The following RBL1 variants were observed in gnomAD, a reference collection of about 807,000 sequenced individuals.
RBL1 encodes the protein retinoblastoma-like protein 1.
Under a neutral mutation model 123.0 loss-of-function variants are expected in RBL1, and 82 were observed. The observed-to-expected ratio is 0.67, with a 90% CI of 0.56 to 0.80. The LOEUF is 0.80. Among genes scored for constraint, RBL1 ranks in the 30% least tolerant of loss-of-function variants. RBL1 has a pLI of 0.00. For synonymous variants in RBL1, 405 were observed against 441.3 expected, an observed-to-expected ratio of 0.92 and a Z score of 1.03; for missense variants, 1,171 against 1,299.6, an observed-to-expected ratio of 0.90 and a Z score of 1.52.
At chr20:37,032,159 TA>T (rs560865011) in intron 16 of RBL1, among the ~76,000 whole-genome samples, 8 of 151,754 alleles carry the variant, frequency 5.3e-5, no homozygotes, top group Non-Finnish European at 8.8e-5. Flanking sequence ...AATGTGGTAT[TA>T]AAAAAAAGTA....
In RBL1 at chr20:37,017,620, T is replaced by TTGTGTGTGTGTGTGTGTGTGTG. The variant is rs147347259; in HGVS notation, c.2722+637_2722+658dup. Among the ~76,000 whole-genome samples, 592 of 139,794 alleles carry TTGTGTGTGTGTGTGTGTGTGTG rather than the reference T, an allele frequency of 4.2e-3. 6 individuals carry two copies. Among genetic ancestry groups the TTGTGTGTGTGTGTGTGTGTGTG allele is most frequent in the African/African-American group, 8.6e-3 (308 of 35,936 alleles). 91.7% of individuals were successfully genotyped at this position (139,794 alleles called of 152,430 possible). On this transcript the variant is annotated intron_variant, in intron 19 of 21. Coordinates refer to ENST00000373664, the MANE Select transcript of RBL1 (RefSeq NM_002895.5). ...ATACTTATATGAACAGGACATTTTC[T>TTGTGTGTGTGTGTGTGTGTGTG]TGTGTGTGTGTGTGTGTGTGTGTGT... is the stretch of plus-strand genomic sequence containing the variant.
chr20:37,094,344 T>C (rs541922089), intron 1 of RBL1, among the ~76,000 whole-genome samples: 1 of 152,290 alleles, frequency 6.6e-6, no homozygotes, highest in South Asian at 2.1e-4. Flanking sequence ...TTCCCACAGC[T>C]CTCCAGTCAT....
At chr20:36,999,566 C>A (rs1007862649) in intron 21 of RBL1, among the ~76,000 whole-genome samples, 4 of 151,890 alleles carry the variant, frequency 2.6e-5, no homozygotes, top group African/African-American at 9.7e-5. Flanking sequence ...GTACTGCTGC[C>A]ATCTCGGCTC....
intron 2 of RBL1, among the ~76,000 whole-genome samples, chr20:37,080,816 G>T (rs1017003682): frequency 1.3e-5 from 2 of 152,108 alleles, no homozygotes; most frequent in Non-Finnish European, 1.5e-5. Context: ...CTTTGCATAG[G>T]GGGCAATAAG....
rs2033446192 is a variant in RBL1, at chr20:37,065,419, T to C, written c.896+5A>G. The stretch of plus-strand genomic sequence containing the variant: ...AGCCAGGCACCATTAGTACTAGATA[T>C]TTACCTATTATCAGTAAAACTTGAA... On this transcript the variant is annotated splice_donor_5th_base_variant and intron_variant, in intron 7 of 21. Coordinates refer to ENST00000373664, the MANE Select transcript of RBL1 (RefSeq NM_002895.5). 8.3e-6 allele frequency: 13 copies of C among 1,569,478 alleles called. No homozygotes were observed. Among genetic ancestry groups the C allele is most frequent in the Non-Finnish European group, 1.1e-5 (13 of 1,148,730 alleles).
At chr20:37,011,752 G>T (rs2064151665) in intron 19 of RBL1, among the ~76,000 whole-genome samples, 1 of 152,072 alleles carries the variant, frequency 6.6e-6, no homozygotes, top group Admixed American at 6.6e-5. Context: ...GGTTTTTACT[G>T]ATGAAAATAA....
Position 37,065,461 on chromosome 20 carries a change from C to T in RBL1, c.859G>A (p.Glu287Lys). ...KLFDRKILKG[E>K]CLLDLSSFTD... ...AAACTTGAAAGGTCCAGGAGGCATT[C>T]TCCTTTTAATATCTGTGAACAAAAA... The change falls in exon 7 of 22, where the codon GAA becomes AAA. Residue 287 changes from glutamate to lysine, a missense_variant. Glu to Lys is a moderately conservative substitution (Grantham distance 56). Coordinates refer to ENST00000373664, the MANE Select transcript of RBL1 (RefSeq NM_002895.5). The T allele has an allele frequency of 6.3e-7, 1 of 1,596,536 alleles. No homozygotes were observed. The highest frequency in any genetic ancestry group is 8.6e-7 in the Non-Finnish European group (1 of 1,168,234).
chr20:37,058,509 G>A (rs1412924928), intron 9 of RBL1, among the ~76,000 whole-genome samples: 14 of 144,576 alleles, frequency 9.7e-5, no homozygotes, highest in Non-Finnish European at 1.8e-4. Flanking sequence ...GCAAGACTCC[G>A]CCTCAAAAGA....
At position 36,996,547 on chromosome 20, in the gene RBL1, A is replaced by G. The variant is rs148685294; in HGVS notation, c.*2212T>C. 6.6e-6 allele frequency: 1 copy of G among 152,344 alleles called. No homozygotes were observed. The highest frequency in any genetic ancestry group is 1.9e-4 in the East Asian group (1 of 5,190). The allele number at this position is 152,344 out of a possible 1,614,324, so 9.4% of individuals were successfully genotyped here. ...CCTCAGAATCTCCCAGTCTCAAGTG[A>G]TCCTCTCATGTCAGTCTCCTGAGTA... On this transcript the variant is annotated 3_prime_UTR_variant, in exon 22 of 22. Transcript: ENST00000373664.
rs1239565775 is a variant in RBL1 at position 37,011,195 on chromosome 20, CTT to C, written c.2723-3638_2723-3637del. On this transcript the variant is annotated intron_variant, in intron 19 of 21. Coordinates refer to ENST00000373664, the MANE Select transcript of RBL1 (RefSeq NM_002895.5). ...AAAGTTTTCAATTAACTACAATACACTTGAGTACAGTGTTATGTTTGTGTTAC... is the reference window on the plus strand; with the variant it reads ...AAAGTTTTCAATTAACTACAATACACGAGTACAGTGTTATGTTTGTGTTAC... Among the ~76,000 whole-genome samples, 6 of 152,252 alleles carry C rather than the reference CTT, an allele frequency of 3.9e-5. No individual in the cohort carries two copies. In the Middle Eastern group the frequency reaches 0.014, roughly 345 times the overall value.
chr20:37,038,901 C>A (rs6130402), intron 14 of RBL1, among the ~76,000 whole-genome samples: 21,070 of 152,202 alleles, frequency 0.14, 2,174 homozygotes, highest in East Asian at 0.48. Context: ...CCGCACCTGG[C>A]CTGCAGTCAT....
Position 37,068,067 on chromosome 20 carries a change from T to C in RBL1, c.410A>G (p.Lys137Arg). 1 of 1,613,706 alleles carries C rather than the reference T, an allele frequency of 6.2e-7. No individual in the cohort carries two copies. Among genetic ancestry groups the C allele is most frequent in the Non-Finnish European group, 8.5e-7 (1 of 1,179,918 alleles). ...RNFEVSTVIF[K>R]KYEPIFLDIF... ...ATCTAAAAAAATTGGCTCATATTTTTTGAATATTACAGTAGACACCTCAAA... is the reference window on the plus strand; with the variant it reads ...ATCTAAAAAAATTGGCTCATATTTTCTGAATATTACAGTAGACACCTCAAA... The change falls in exon 3 of 22, where the codon AAA (lysine) becomes AGA (arginine). Residue 137 changes from lysine to arginine, a missense_variant. Physicochemically the swap from Lys to Arg is conservative, Grantham distance 26. Coordinates refer to ENST00000373664, the MANE Select transcript of RBL1 (RefSeq NM_002895.5).
rs748253740 is a variant in RBL1 at position 37,066,850 on chromosome 20, C to CG, written c.719dup (p.Ala241GlyfsTer3). On this transcript the variant is annotated frameshift_variant, in exon 6 of 22. Coordinates refer to ENST00000373664, the MANE Select transcript of RBL1 (RefSeq NM_002895.5). LOFTEE classifies it high-confidence loss of function. The stretch of plus-strand genomic sequence containing the variant: ...TGATGCAGGGTGGCTCTTCAGAAGC[C>CG]GTAAAGTCAGCAGTATGAAAATCAG... 6.2e-7 allele frequency: 1 copy of CG among 1,613,458 alleles called. No individual in the cohort carries two copies. The highest frequency in any genetic ancestry group is 2.2e-5 in the East Asian group (1 of 44,836).
chr20:37,004,659 G>A (rs185168574), intron 20 of RBL1, among the ~76,000 whole-genome samples: 57 of 145,816 alleles, frequency 3.9e-4, no homozygotes, highest in African/African-American at 1.5e-3. Context: ...GTGTTGCAGT[G>A]AGCCCAGATT....
chr20:37,058,321 T>A (rs1429814677), intron 9 of RBL1, among the ~76,000 whole-genome samples: 1 of 150,866 alleles, frequency 6.6e-6, no homozygotes, highest in Non-Finnish European at 1.5e-5. Flanking sequence ...ATCGAGACCA[T>A]CCTGGCCAAC....
chr20:37,030,609 C>T (rs1241038605), intron 16 of RBL1, among the ~76,000 whole-genome samples: 4 of 151,930 alleles, frequency 2.6e-5, no homozygotes, highest in South Asian at 2.1e-4. Context: ...AATCCCAGCA[C>T]TTTGGGAGGC....
chr20:37,068,733 G>A (rs1027597262), intron 2 of RBL1, among the ~76,000 whole-genome samples: 1 of 152,170 alleles, frequency 6.6e-6, no homozygotes, highest in African/African-American at 2.4e-5. Context: ...AGATTGACAG[G>A]TTATAAAATT....
In RBL1 at chr20:37,035,510, TA is replaced by T. The variant is rs752315167; in HGVS notation, c.1904-3del. 2.5e-4 allele frequency: 383 copies of T among 1,519,998 alleles called. No homozygotes were observed. The highest frequency in any genetic ancestry group is 4.0e-4 in the Admixed American group (18 of 45,024). 94.2% of individuals were successfully genotyped at this position (1,519,998 alleles called of 1,614,324 possible). A position where few individuals can be genotyped will look rare whatever the true frequency, so the allele number is the denominator to read the frequency against. On this transcript the variant is annotated splice_region_variant and splice_polypyrimidine_tract_variant and intron_variant, in intron 14 of 21. Coordinates refer to ENST00000373664, the MANE Select transcript of RBL1 (RefSeq NM_002895.5). ...AAATTGGAGACAATGGTTGCATATC[TA>T]AAAAAAAATAATAAATTTAAAACAG... is the stretch of plus-strand genomic sequence containing the variant.
In RBL1 at chr20:37,007,518, G is replaced by A. The variant is rs751889826; in HGVS notation, c.2764C>T (p.Pro922Ser). The A allele has an allele frequency of 1.2e-6, 2 of 1,613,158 alleles. No homozygotes were observed. The highest frequency in any genetic ancestry group is 2.2e-5 in the East Asian group (1 of 44,852). The part of the protein sequence containing the change: ...ATKTPDCSSG[P>S]VKEERGDLIK... Reference sequence around the variant, plus strand: ...AGATCACCTCTTTCCTCTTTCACTGGTCCACTGGAACAGTCAGGTGTTTTT... The same window carrying A: ...AGATCACCTCTTTCCTCTTTCACTGATCCACTGGAACAGTCAGGTGTTTTT... Residue 922 changes from proline to serine, a missense_variant, in exon 20 of 22, where the codon CCA becomes TCA. By Grantham distance (74) the Pro-to-Ser change is moderately conservative (BLOSUM62 -1). Transcript: ENST00000373664.
Sources: gnomAD v4.1 joint callset for allele counts (sites outside exome capture counted in the v4.1 genomes callset) on GRCh38, gnomAD v4.1.1 for gene constraint, MANE v1.5 for transcripts, NCBI Gene and HGNC (gene_info 2026-07-23, HGNC 2026-07-21) for gene names.